Variants in SLX9 observed in about 807,000 individuals in gnomAD.
The protein encoded by SLX9 is ribosome biogenesis protein SLX9 homolog.
A neutral mutation model predicts 20.8 loss-of-function variants in SLX9; 19 were observed. The ratio of observed to expected loss-of-function variants is 0.91; its 90% CI spans 0.64 to 1.34. SLX9 has a LOEUF of 1.34. Among genes scored for constraint, SLX9 ranks in the 40% most tolerant of loss-of-function variants. The probability of loss-of-function intolerance (pLI) is 0.00; values close to 1 mark genes in which losing one functional copy is unlikely to be tolerated. For synonymous variants in SLX9, 113 were observed against 137.1 expected, an observed-to-expected ratio of 0.82 and a Z score of 1.23; for missense variants, 299 against 322.2, an observed-to-expected ratio of 0.93 and a Z score of 0.55.
At chr21:44,969,175 C>T (rs746550382) in intron 4 of SLX9, 33 of 470,606 alleles carry the variant, frequency 7.0e-5, no homozygotes, top group East Asian at 1.4e-4. Context: ...TGCCCAGGCT[C>T]GAGGGTGGCA....
chr21:44,964,019 C>T (rs2084990844), intron 3 of SLX9, among the ~76,000 whole-genome samples: 1 of 152,178 alleles, frequency 6.6e-6, no homozygotes, highest in Admixed American at 6.5e-5. Flanking sequence ...ACCATCTTAG[C>T]AAAGCAGATC....
intron 5 of SLX9, among the ~76,000 whole-genome samples, chr21:44,975,304 CCT>C (rs979545750): frequency 2.0e-5 from 3 of 152,186 alleles, no homozygotes; most frequent in African/African-American, 7.2e-5. Flanking sequence ...AGGCTGCTCC[CCT>C]GAGTACGAAA....
At chr21:44,967,477 C>G (rs565660062) in intron 4 of SLX9, among the ~76,000 whole-genome samples, 245 of 152,168 alleles carry the variant, frequency 1.6e-3, no homozygotes, top group Middle Eastern at 6.8e-3. Context: ...TTGACCACAG[C>G]TCCTGCCGGG....
intron 1 of SLX9, among the ~76,000 whole-genome samples, chr21:44,942,634 C>T (rs1040429956): frequency 2.4e-4 from 37 of 152,212 alleles, no homozygotes; most frequent in African/African-American, 8.4e-4. Context: ...AACAGATTAA[C>T]AGGAGAAAAG....
intron 3 of SLX9, among the ~76,000 whole-genome samples, chr21:44,963,403 G>GT (rs1211554150): frequency 2.0e-5 from 3 of 150,212 alleles, no homozygotes; most frequent in Non-Finnish European, 3.0e-5. Flanking sequence ...ATAAACGAGA[G>GT]TTTAATTTTG....
At chr21:44,963,310 G>C (rs1453151461) in intron 3 of SLX9, among the ~76,000 whole-genome samples, 1 of 151,316 alleles carries the variant, frequency 6.6e-6, no homozygotes, top group Non-Finnish European at 1.5e-5. Flanking sequence ...GGATGGTCTC[G>C]ATCTCTTGAC....
chr21:44,940,355 C>T (rs1386028462), intron 1 of SLX9, among the ~76,000 whole-genome samples, 169 bp downstream of exon 1: 1 of 152,242 alleles, frequency 6.6e-6, no homozygotes, highest in Non-Finnish European at 1.5e-5. Context: ...TCGTAAACTC[C>T]GAGGCTCCGC....
chr21:44,948,146 G>A (rs2084678746), intron 2 of SLX9, among the ~76,000 whole-genome samples: 1 of 152,224 alleles, frequency 6.6e-6, no homozygotes, highest in Non-Finnish European at 1.5e-5. Flanking sequence ...TCGGACATCC[G>A]GGGAGCTGGT....
chr21:44,956,423 G>A (rs948558766), intron 2 of SLX9, among the ~76,000 whole-genome samples: 3 of 152,116 alleles, frequency 2.0e-5, no homozygotes, highest in Non-Finnish European at 4.4e-5. Flanking sequence ...CCTGTCCCAC[G>A]ATGCATTTCA....
At chr21:44,950,397 AGGCTTGGGGTCAGATGGCCTCGGCTT>A (rs1447458510) in intron 2 of SLX9, among the ~76,000 whole-genome samples, 2 of 152,348 alleles carry the variant, frequency 1.3e-5, no homozygotes, top group East Asian at 3.9e-4. Flanking sequence ...TGTGGAAGCG[AGGCTTGGGGTCAGATGGCCTCGGCTT>A]GGCCGCAGCT....
intron 2 of SLX9, among the ~76,000 whole-genome samples, chr21:44,955,233 A>G: frequency 6.7e-6 from 1 of 149,258 alleles, no homozygotes; most frequent in East Asian, 1.9e-4. Context: ...GAAGTAAGAA[A>G]GCTTGGAAAA....
intron 3 of SLX9, among the ~76,000 whole-genome samples, chr21:44,965,751 G>C (rs192590294): frequency 6.6e-6 from 1 of 152,068 alleles, no homozygotes; most frequent in East Asian, 1.9e-4. Flanking sequence ...GCTGAGGTGC[G>C]GGCCTTTGTG....
intron 2 of SLX9, among the ~76,000 whole-genome samples, chr21:44,947,452 G>A (rs527532732): frequency 6.6e-6 from 1 of 152,296 alleles, no homozygotes; most frequent in African/African-American, 2.4e-5. Context: ...GTGGACACCC[G>A]TGTGCCCATC....
chr21:44,970,661 C>T (rs755669654), intron 4 of SLX9, among the ~76,000 whole-genome samples: 3 of 152,224 alleles, frequency 2.0e-5, no homozygotes, highest in South Asian at 2.1e-4. Flanking sequence ...CACTCTTGGA[C>T]TCTGATGTGC....
chr21:44,976,125 C>T (rs904227755), intron 5 of SLX9, among the ~76,000 whole-genome samples: 1 of 152,250 alleles, frequency 6.6e-6, no homozygotes, highest in Non-Finnish European at 1.5e-5. Flanking sequence ...AGCTCTCTGG[C>T]GTGCGGCTGG....
At chr21:44,968,920 A>AT (rs2123448386) in intron 4 of SLX9, among the ~76,000 whole-genome samples, 1 of 151,936 alleles carries the variant, frequency 6.6e-6, no homozygotes, top group East Asian at 1.9e-4. Flanking sequence ...TACCTGGCTA[A>AT]TTTTTTGTAT....
intron 2 of SLX9, among the ~76,000 whole-genome samples, chr21:44,944,427 C>T (rs577342565): frequency 1.2e-4 from 18 of 152,272 alleles, no homozygotes; most frequent in South Asian, 6.2e-4. Flanking sequence ...TAGCAGGGAA[C>T]GCCGTCCCCC....
intron 4 of SLX9, 30 bp downstream of exon 4, chr21:44,967,211 G>C: frequency 6.5e-7 from 1 of 1,541,052 alleles, no homozygotes; most frequent in Non-Finnish European, 8.7e-7. Context: ...GGCCCTTTCC[G>C]AGCTGTGGGG....
intron 3 of SLX9, among the ~76,000 whole-genome samples, chr21:44,964,449 C>T (rs1601409480): frequency 6.6e-6 from 1 of 152,338 alleles, no homozygotes; most frequent in East Asian, 1.9e-4. Context: ...GCTGTTCCTC[C>T]CGTTGCAGGG....
Sources: gnomAD v4.1 joint callset for allele counts (sites outside exome capture counted in the v4.1 genomes callset) on GRCh38, gnomAD v4.1.1 for gene constraint, MANE v1.5 for transcripts, NCBI Gene and HGNC (gene_info 2026-07-23, HGNC 2026-07-21) for gene names.